PSD3: variants seen among roughly 807,000 people sequenced by gnomAD.
PSD3 encodes the protein PH and SEC7 domain-containing protein 3.
A neutral mutation model predicts 105.5 loss-of-function variants in PSD3; 49 were observed. That is an observed-to-expected ratio of 0.46 (90% CI 0.37 to 0.59). The LOEUF (loss-of-function observed/expected upper bound fraction) is 0.59. PSD3 is among the 20% of genes least tolerant of loss of function. The pLI is 0.00. For synonymous variants in PSD3, 557 were observed against 457.8 expected (o/e 1.22, Z -2.77); for missense variants, 1,561 against 1,263.8 (o/e 1.24, Z -3.57).
rs1289063494 is a variant in PSD3 at position 18,632,659 on chromosome 8, A to T, written c.2364T>A (p.Ser788Arg). 1.2e-6 allele frequency: 2 copies of T among 1,612,508 alleles called. No individual in the cohort carries two copies. Among genetic ancestry groups the T allele is most frequent in the Admixed American group, 3.3e-5 (2 of 59,794 alleles). The stretch of plus-strand genomic sequence containing the variant: ...CATGAATTTTCCGAGCCAAGAATCC[A>T]CTTTTGTACACAGCAGCATTTGGAT... ...PHDPNAAVYK[S>R]GFLARKIHAD... Residue 788 changes from serine (S) to arginine (R), a missense_variant, in exon 11 of 16, where the codon AGT becomes AGA. Coordinates refer to ENST00000327040, the MANE Select transcript of PSD3 (RefSeq NM_015310.4).
At chr8:18,819,002 G>A (rs1429151732) in intron 4 of PSD3, among the ~76,000 whole-genome samples, 1 of 152,042 alleles carries the variant, frequency 6.6e-6, no homozygotes, top group Admixed American at 6.6e-5. Flanking sequence ...GAGGAATTGT[G>A]GAGTAATCTG....
At chr8:18,942,122 A>G (rs960282093) in intron 1 of PSD3, among the ~76,000 whole-genome samples, 1 of 152,146 alleles carries the variant, frequency 6.6e-6, no homozygotes. Context: ...AGGGAGAAAA[A>G]GGTTAAGAGT....
chr8:18,796,257 C>A (rs1205250558), intron 8 of PSD3, among the ~76,000 whole-genome samples: 1 of 152,072 alleles, frequency 6.6e-6, no homozygotes, highest in African/African-American at 2.4e-5. Flanking sequence ...TAAAACACCT[C>A]CCCAGTGTTT....
rs561445517 is a variant in PSD3, at chr8:18,752,705, A to AATAT, written c.2172+12740_2172+12743dup. Among the ~76,000 whole-genome samples the AATAT allele has an allele frequency of 1.0e-4, 12 of 116,728 alleles. No homozygotes were observed. The South Asian group carries it at 2.8e-3, about 28-fold the overall frequency. The allele number at this position is 116,728 out of a possible 152,430, so 76.6% of individuals were successfully genotyped here. Reference sequence around the variant, plus strand: ...TATAATCATATATGATATAATATATAATATATATATATTTTTGTCTAAGTC... The same window carrying AATAT: ...TATAATCATATATGATATAATATATAATATATATATATATATTTTTGTCTAAGTC... On this transcript the variant is annotated intron_variant, in intron 9 of 15. Transcript: ENST00000327040.
chr8:18,600,719 G>A (rs1047829479), intron 11 of PSD3, among the ~76,000 whole-genome samples: 1 of 152,142 alleles, frequency 6.6e-6, no homozygotes, highest in African/African-American at 2.4e-5. Flanking sequence ...CCCACAACTA[G>A]GAAGAGTAGA....
intron 9 of PSD3, among the ~76,000 whole-genome samples, chr8:18,693,739 C>T (rs535204516): frequency 3.3e-4 from 51 of 152,338 alleles, no homozygotes; most frequent in African/African-American, 1.2e-3. Flanking sequence ...TGCACTCAGC[C>T]TCCTTGGTTC....
chr8:18,765,670 T>A, intron 8 of PSD3, 132 bp from the exon 9 acceptor site: 1 of 748,794 alleles, frequency 1.3e-6, no homozygotes, highest in Non-Finnish European at 2.3e-6. Flanking sequence ...CTCACGCCTG[T>A]AACTTCCACA....
intron 1 of PSD3, 130 bp downstream of exon 1, chr8:19,013,433 T>C: frequency 3.9e-6 from 5 of 1,285,476 alleles, no homozygotes; most frequent in Non-Finnish European, 5.4e-6. Flanking sequence ...CCTGCACCTA[T>C]CCAGACAGCA....
At position 18,867,910 on chromosome 8, in the gene PSD3, T is replaced by C. The variant is rs942885661; in HGVS notation, c.1398A>G (p.Ser466=). 3 of 1,614,080 alleles carry C rather than the reference T, an allele frequency of 1.9e-6. No individual in the cohort carries two copies. The highest frequency in any genetic ancestry group is 2.5e-6 in the Non-Finnish European group (3 of 1,180,034). Residue 466 remains serine (S), a synonymous_variant, in exon 4 of 16, where the codon TCA becomes TCG. Coordinates refer to ENST00000327040, the MANE Select transcript of PSD3 (RefSeq NM_015310.4). Reference sequence around the variant, plus strand: ...CAAAGCTAAAATAGCTATCAGGCTCTGAGTATAATGTCTCCAGGGACTCTG... The same window carrying C: ...CAAAGCTAAAATAGCTATCAGGCTCCGAGTATAATGTCTCCAGGGACTCTG... ...YSAESLETLY[S]EPDSYFSFEM...
chr8:18,670,056 G>C (rs1309777838), intron 9 of PSD3, among the ~76,000 whole-genome samples: 1 of 152,126 alleles, frequency 6.6e-6, no homozygotes, highest in Non-Finnish European at 1.5e-5. Flanking sequence ...GTCACTTTCT[G>C]GTAGGCTACC....
Position 19,046,214 on chromosome 8 carries a change from C to T in PSD3, c.324+37992G>A, listed in dbSNP as rs1305100965. On this transcript the variant is annotated intron_variant, in intron 1 of 1. Coordinates refer to the PSD3 transcript ENST00000521475. ...GCAACCTCTACCTCCCAGGTTCAAG[C>T]GATTCTTCTGCCTCAGCCTCCAGAG... Among the ~76,000 whole-genome samples the T allele has an allele frequency of 5.3e-5, 8 of 151,876 alleles. No individual in the cohort carries two copies. In the South Asian group the frequency reaches 6.3e-4, roughly 12 times the overall value.
At chr8:18,858,541 T>C (rs1442743837) in intron 4 of PSD3, among the ~76,000 whole-genome samples, 1 of 152,186 alleles carries the variant, frequency 6.6e-6, no homozygotes, top group Admixed American at 6.5e-5. Context: ...TGATCATCTT[T>C]TACCCACCAC....
chr8:18,749,219 T>C lies in PSD3; in HGVS notation c.2172+16230A>G, dbSNP rs369814373. ...TACATTCAAGGGATATGGCTGCTCTTAGTGGACCACACGTTATCATCCTTC... is the reference window on the plus strand; with the variant it reads ...TACATTCAAGGGATATGGCTGCTCTCAGTGGACCACACGTTATCATCCTTC... On this transcript the variant is annotated intron_variant, in intron 9 of 15. Transcript: ENST00000327040. Among the ~76,000 whole-genome samples the C allele has an allele frequency of 2.4e-4, 36 of 152,318 alleles. 1 individual carries two copies. The highest frequency in any genetic ancestry group is 8.7e-4 in the African/African-American group (36 of 41,572).
At chr8:18,807,263 C>T (rs968771885) in intron 4 of PSD3, among the ~76,000 whole-genome samples, 1 of 152,198 alleles carries the variant, frequency 6.6e-6, no homozygotes, top group Non-Finnish European at 1.5e-5. Context: ...GCAGCCAGGG[C>T]TCCTGGACAA....
At chr8:18,945,904 G>T (rs1334021059) in intron 1 of PSD3, among the ~76,000 whole-genome samples, 1 of 152,212 alleles carries the variant, frequency 6.6e-6, no homozygotes, top group African/African-American at 2.4e-5. Context: ...AACCCGGGAA[G>T]TGGAGGCTGC....
intron 4 of PSD3, among the ~76,000 whole-genome samples, chr8:18,865,742 G>C (rs894511345): frequency 2.0e-5 from 3 of 152,106 alleles, no homozygotes; most frequent in African/African-American, 4.8e-5. Flanking sequence ...CTAGAACGTG[G>C]TCCTTTACCA....
chr8:18,821,792 T>C (rs1455032128), intron 4 of PSD3, among the ~76,000 whole-genome samples: 1 of 134,366 alleles, frequency 7.4e-6, no homozygotes, highest in African/African-American at 2.8e-5. Context: ...AATTTTGATT[T>C]TAAGTCATAA....
intron 4 of PSD3, among the ~76,000 whole-genome samples, chr8:18,851,558 A>G (rs910147258): frequency 1.3e-5 from 2 of 152,320 alleles, no homozygotes; most frequent in Middle Eastern, 3.4e-3. Context: ...GGTTAATCAC[A>G]TGTCCCACAG....
intron 2 of PSD3, among the ~76,000 whole-genome samples, chr8:18,916,240 C>T (rs1347753429): frequency 1.4e-5 from 2 of 142,694 alleles, no homozygotes; most frequent in African/African-American, 5.2e-5. Context: ...TTCACAAGAG[C>T]CAAGATATGA....
Sources: gnomAD v4.1 joint callset for allele counts (sites outside exome capture counted in the v4.1 genomes callset) on GRCh38, gnomAD v4.1.1 for gene constraint, MANE v1.5 for transcripts, NCBI Gene and HGNC (gene_info 2026-07-23, HGNC 2026-07-21) for gene names.